PDE4D: variants seen among roughly 807,000 people sequenced by gnomAD.
PDE4D encodes the protein phosphodiesterase 4D.
PDE4D carries 24 observed loss-of-function variants against 87.4 expected under a neutral mutation model. That is an observed-to-expected ratio of 0.27 (90% confidence interval 0.20 to 0.39). The LOEUF (loss-of-function observed/expected upper bound fraction) is 0.39, where lower values mean the gene tolerates loss of function less well. PDE4D is among the 10% of genes least tolerant of loss of function. PDE4D has a pLI of 1.00. For missense variants in PDE4D, 714 were observed against 1,041.0 expected, an observed-to-expected ratio of 0.69 and a Z score of 4.32; for synonymous variants, 384 against 383.2, an observed-to-expected ratio of 1.00 and a Z score of -0.02.
chr5:60,511,902 T>G (rs929874885), intron 1 of PDE4D, among the ~76,000 whole-genome samples: 9 of 152,204 alleles, frequency 5.9e-5, no homozygotes, highest in African/African-American at 9.6e-5. Flanking sequence ...TAAAAGAATT[T>G]AATATTGTAT....
At chr5:59,514,027 C>G (rs1217006666) in intron 1 of PDE4D, among the ~76,000 whole-genome samples, 4 of 151,962 alleles carry the variant, frequency 2.6e-5, no homozygotes, top group African/African-American at 9.7e-5. Flanking sequence ...AAGGTATACA[C>G]TTTAAATGAA....
At chr5:60,481,956 C>A (rs1002475189) in intron 1 of PDE4D, among the ~76,000 whole-genome samples, 1 of 151,922 alleles carries the variant, frequency 6.6e-6, no homozygotes, top group African/African-American at 2.4e-5. Context: ...TCTACATAGA[C>A]ATACTGAAGA....
intron 2 of PDE4D, among the ~76,000 whole-genome samples, chr5:59,205,661 C>CAT (rs1440644142): frequency 7.4e-6 from 1 of 135,736 alleles, no homozygotes; most frequent in African/African-American, 2.9e-5. Context: ...TAAACACACA[C>CAT]ACACACACAC....
intron 5 of PDE4D, chr5:59,039,678 G>T: frequency 1.7e-5 from 4 of 241,782 alleles, no homozygotes; most frequent in Non-Finnish European, 2.7e-5. Context: ...GCCTGTCCCT[G>T]TCCGTGCCAC....
intron 1 of PDE4D, among the ~76,000 whole-genome samples, chr5:59,362,678 C>T (rs539599300): frequency 6.6e-6 from 1 of 152,294 alleles, no homozygotes; most frequent in African/African-American, 2.4e-5. Flanking sequence ...GCAACACTGA[C>T]TCCAACTCAT....
intron 1 of PDE4D, among the ~76,000 whole-genome samples, chr5:59,246,692 C>G (rs763275670): frequency 1.3e-5 from 2 of 152,082 alleles, no homozygotes; most frequent in Non-Finnish European, 2.9e-5. Flanking sequence ...AATCTTCCAC[C>G]ACTGTTCTTT....
chr5:59,481,301 C>A (rs748811357), intron 1 of PDE4D, among the ~76,000 whole-genome samples: 3 of 150,322 alleles, frequency 2.0e-5, no homozygotes, highest in Non-Finnish European at 1.5e-5. Context: ...TCTGACTTTG[C>A]TGTATGAGTC....
chr5:59,922,846 T>C (rs1754822912), intron 3 of PDE4D, among the ~76,000 whole-genome samples: 1 of 151,956 alleles, frequency 6.6e-6, no homozygotes. Context: ...AAGAGGACTT[T>C]GTCTTTTAGC....
At chr5:59,759,485 T>C (rs889542964) in intron 1 of PDE4D, among the ~76,000 whole-genome samples, 1 of 152,218 alleles carries the variant, frequency 6.6e-6, no homozygotes, top group Non-Finnish European at 1.5e-5. Context: ...TCCAAGGTTT[T>C]CTTCACTTTT....
chr5:60,414,332 A>C (rs1195123530), intron 1 of PDE4D, among the ~76,000 whole-genome samples: 2 of 152,146 alleles, frequency 1.3e-5, no homozygotes, highest in African/African-American at 4.8e-5. Flanking sequence ...GATATTATTG[A>C]GTATTTTTAT....
chr5:59,942,804 GCAAGGGAGA>G (rs2152799340), intron 3 of PDE4D, among the ~76,000 whole-genome samples: 1 of 139,420 alleles, frequency 7.2e-6, no homozygotes, highest in African/African-American at 2.7e-5. Flanking sequence ...GTGTGGCTTT[GCAAGGGAGA>G]CAAGAGATGA....
chr5:60,376,049 A>C (rs1761409225), intron 1 of PDE4D, among the ~76,000 whole-genome samples: 1 of 152,202 alleles, frequency 6.6e-6, no homozygotes, highest in Admixed American at 6.5e-5. Flanking sequence ...ACATACGTAT[A>C]TATATCTCCT....
chr5:59,408,384 T>C (rs912791305), intron 1 of PDE4D, among the ~76,000 whole-genome samples: 4 of 152,132 alleles, frequency 2.6e-5, no homozygotes, highest in African/African-American at 9.7e-5. Context: ...CTGCCTAGAT[T>C]TCAGAGGATG....
chr5:59,259,591 G>A (rs975246967), intron 1 of PDE4D, among the ~76,000 whole-genome samples: 1 of 151,900 alleles, frequency 6.6e-6, no homozygotes, highest in African/African-American at 2.4e-5. Context: ...GCAAGAAGCT[G>A]AAACATGCTT....
intron 6 of PDE4D, among the ~76,000 whole-genome samples, chr5:59,022,212 CT>C (rs1323388978): frequency 6.6e-6 from 1 of 152,108 alleles, no homozygotes; most frequent in Non-Finnish European, 1.5e-5. Context: ...CAAGGTTCTC[CT>C]AAAGGTTCAG....
intron 1 of PDE4D, among the ~76,000 whole-genome samples, chr5:59,792,231 A>G (rs181187508): frequency 1.3e-5 from 2 of 152,332 alleles, no homozygotes; most frequent in African/African-American, 4.8e-5. Flanking sequence ...CATTATTCCC[A>G]TTGTACTCAT....
chr5:59,527,091 C>T (rs561869945), intron 1 of PDE4D, among the ~76,000 whole-genome samples: 4 of 152,148 alleles, frequency 2.6e-5, no homozygotes, highest in South Asian at 2.1e-4. Flanking sequence ...ATAGGCAAAA[C>T]GTGAATATGT....
At chr5:59,526,273 C>T (rs1813114226) in intron 1 of PDE4D, among the ~76,000 whole-genome samples, 2 of 152,164 alleles carry the variant, frequency 1.3e-5, no homozygotes, top group Admixed American at 6.5e-5. Context: ...CAATATAAAA[C>T]ATATCTCTGT....
chr5:58,971,451 G>A lies in PDE4D; in HGVS notation c.*3213C>T, dbSNP rs958938930. 2.0e-5 allele frequency: 3 copies of A among 152,368 alleles called. No homozygotes were observed. The highest frequency in any genetic ancestry group is 2.0e-4 in the Admixed American group (3 of 15,252). The allele number at this position is 152,368 out of a possible 1,614,324, so 9.4% of individuals were successfully genotyped here. A position where few individuals can be genotyped will look rare whatever the true frequency, so the allele number is the denominator to read the frequency against. On this transcript the variant is annotated 3_prime_UTR_variant, in exon 15 of 15. Transcript: ENST00000340635. ...CAGATAATTTACAATTAACATTACAGTATGTACATTGCAATAAATACATGG... is the reference window on the plus strand; with the variant it reads ...CAGATAATTTACAATTAACATTACAATATGTACATTGCAATAAATACATGG...
Sources: allele counts gnomAD v4.1 joint callset (sites outside exome capture counted in the v4.1 genomes callset), GRCh38; gene constraint gnomAD v4.1.1; transcripts MANE v1.5; gene names NCBI Gene and HGNC (gene_info 2026-07-23, HGNC 2026-07-21).